NAP1L1: variants seen among roughly 807,000 people sequenced by gnomAD.
NAP1L1 encodes nucleosome assembly protein 1 like 1.
Under a neutral mutation model 58.9 loss-of-function variants are expected in NAP1L1, and 9 were observed. That is an observed-to-expected ratio of 0.15 (90% CI 0.09 to 0.27). NAP1L1 has a LOEUF of 0.27. NAP1L1 is among the 10% of genes least tolerant of loss of function. The probability of loss-of-function intolerance (pLI) is 1.00; values close to 1 mark genes in which losing one functional copy is unlikely to be tolerated. For synonymous variants in NAP1L1, 130 were observed against 138.3 expected (o/e 0.94, Z 0.42); for missense variants, 302 against 458.8 (o/e 0.66, Z 3.12).
At chr12:76,058,436 G>T (rs1175767802) in intron 6 of NAP1L1, among the ~76,000 whole-genome samples, 7 of 150,116 alleles carry the variant, frequency 4.7e-5, no homozygotes. Context: ...GCCTGGGCTG[G>T]AGCGCAGTGG....
chr12:76,065,244 T>TAA (rs550938713), intron 4 of NAP1L1, among the ~76,000 whole-genome samples: 1 of 145,114 alleles, frequency 6.9e-6, no homozygotes, highest in East Asian at 2.0e-4. Context: ...TTGATACAGT[T>TAA]AAAAAAAAAA....
At position 76,038,976 on chromosome 12, in the gene NAP1L1, C is replaced by A. The variant is rs1477172093; in HGVS notation, c.*9453G>T. 2.0e-5 allele frequency: 3 copies of A among 152,234 alleles called. No individual in the cohort carries two copies. The South Asian group carries it at 6.2e-4, about 32-fold the overall frequency. The allele number at this position is 152,234 out of a possible 1,614,324, so 9.4% of individuals were successfully genotyped here. ...TTATCATGCAAAATGAAATAAAAAG[C>A]CTTGGGCAAAGCAGGACTCCAATCA... On this transcript the variant is annotated 3_prime_UTR_variant, in exon 15 of 15. Coordinates refer to ENST00000618691, the MANE Select transcript of NAP1L1 (RefSeq NM_004537.7).
intron 7 of NAP1L1, among the ~76,000 whole-genome samples, chr12:76,055,681 A>T (rs1949052565): frequency 6.6e-6 from 1 of 152,148 alleles, no homozygotes; most frequent in Non-Finnish European, 1.5e-5. Flanking sequence ...TTAAAATGCA[A>T]ATTTCTCCTG....
intron 4 of NAP1L1, 91 bp from the exon 5 acceptor site, chr12:76,060,370 G>T: frequency 7.6e-7 from 1 of 1,310,054 alleles, no homozygotes; most frequent in Non-Finnish European, 1.0e-6. Flanking sequence ...TGGAGTTAGT[G>T]AATGACAGGT....
At chr12:76,058,331 G>C (rs1261243693) in intron 6 of NAP1L1, among the ~76,000 whole-genome samples, 1 of 150,282 alleles carries the variant, frequency 6.7e-6, no homozygotes, top group South Asian at 2.1e-4. Context: ...AGGAGAGACT[G>C]TCATGCTCAT....
rs970266535 is a variant in NAP1L1 at position 76,039,686 on chromosome 12, G to A, written c.*8743C>T. The A allele has an allele frequency of 3.3e-5, 5 of 152,072 alleles. No homozygotes were observed. The highest frequency in any genetic ancestry group is 2.1e-4 in the South Asian group (1 of 4,824). 9.4% of individuals were successfully genotyped at this position (152,072 alleles called of 1,614,324 possible). ...ATCTACAAGGCAGTGCAAAGTGTAG[G>A]GCCATCCAAATGCTGGCTCCAACAC... On this transcript the variant is annotated 3_prime_UTR_variant, in exon 15 of 15. Transcript: ENST00000618691.
rs775502634 is a variant in NAP1L1 at position 76,067,381 on chromosome 12, A to C, written c.196T>G (p.Tyr66Asp). The change falls in exon 4 of 15, where the codon TAC (tyrosine) becomes GAC (aspartate). Residue 66 changes from tyrosine to aspartate, a missense_variant. Transcript: ENST00000618691. ...LDGLVETPTG[Y>D]IESLPRVVKR... ...ATGGAAAAGCTGTACCTTTCAATGT[A>C]TCCTGTTGGTGTTTCTACCAGACCA... 6 of 1,608,140 alleles carry C rather than the reference A, an allele frequency of 3.7e-6. No individual in the cohort carries two copies. In the Admixed American group the frequency reaches 1.0e-4, roughly 27 times the overall value.
chr12:76,068,781 A>ACACACACACACACACAC (rs1384015314), intron 3 of NAP1L1, 128 bp downstream of exon 3: 1 of 441,312 alleles, frequency 2.3e-6, no homozygotes, highest in African/African-American at 3.2e-5. Context: ...CACACACACT[A>ACACACACACACACACAC]GAAGTATGGA....
rs1408147929 is a variant in NAP1L1 at position 76,043,116 on chromosome 12, T to G, written c.*5313A>C. Reference sequence around the variant, plus strand: ...ACTGCTGCTGCCACGTCATTTAACTTACTTTTTCAGTTGCATATATATGAC... The same window carrying G: ...ACTGCTGCTGCCACGTCATTTAACTGACTTTTTCAGTTGCATATATATGAC... On this transcript the variant is annotated 3_prime_UTR_variant, in exon 15 of 15. Transcript: ENST00000618691. 6.6e-6 allele frequency: 1 copy of G among 152,188 alleles called. No homozygotes were observed. Among genetic ancestry groups the G allele is most frequent in the Non-Finnish European group, 1.5e-5 (1 of 68,018 alleles). 9.4% of individuals were successfully genotyped at this position (152,188 alleles called of 1,614,324 possible). A position where few individuals can be genotyped will look rare whatever the true frequency, so the allele number is the denominator to read the frequency against.
intron 13 of NAP1L1, chr12:76,049,552 TA>T (rs749877057): frequency 2.0e-6 from 3 of 1,533,622 alleles, no homozygotes; most frequent in Non-Finnish European, 2.6e-6. Flanking sequence ...TTATTTGAAA[TA>T]AAAAAATGTT....
chr12:76,074,426 A>G (rs1164434480), intron 1 of NAP1L1, 187 bp from the exon 2 acceptor site: 2 of 906,848 alleles, frequency 2.2e-6, no homozygotes, highest in East Asian at 1.2e-4. Flanking sequence ...TACTAGTACC[A>G]AAAATAATTT....
At chr12:76,057,384 C>T (rs1949159920) in intron 6 of NAP1L1, 1 of 432,882 alleles carries the variant, frequency 2.3e-6, no homozygotes, top group African/African-American at 2.0e-5. Context: ...CATTATCATT[C>T]TTACAAAAAG....
intron 4 of NAP1L1, among the ~76,000 whole-genome samples, chr12:76,064,794 A>T (rs902312714): frequency 1.4e-5 from 2 of 142,676 alleles, no homozygotes; most frequent in African/African-American, 2.7e-5. Context: ...TAGTATGTTT[A>T]AAAAAAAAAA....
intron 2 of NAP1L1, among the ~76,000 whole-genome samples, chr12:76,072,108 G>A (rs1171164028): frequency 6.6e-6 from 1 of 150,556 alleles, no homozygotes; most frequent in Non-Finnish European, 1.5e-5. Context: ...TGTCTGAAGT[G>A]TCCCTACACC....
In NAP1L1 at chr12:76,060,073, C is replaced by T. The variant is rs185748224; in HGVS notation, c.348+65G>A. Reference sequence around the variant, plus strand: ...TTCTAAAGATTAACCTCTTCCAAGTCTGCTTATGTTTCTAGAATTCGTCTT... The same window carrying T: ...TTCTAAAGATTAACCTCTTCCAAGTTTGCTTATGTTTCTAGAATTCGTCTT... On this transcript the variant is annotated intron_variant, in intron 5 of 14. Coordinates refer to ENST00000618691, the MANE Select transcript of NAP1L1 (RefSeq NM_004537.7). 2.1e-3 allele frequency: 3,198 copies of T among 1,524,794 alleles called. 7 individuals are homozygous for T. Among genetic ancestry groups the T allele is most frequent in the Admixed American group, 3.2e-3 (177 of 54,676 alleles). 94.5% of individuals were successfully genotyped at this position (1,524,794 alleles called of 1,614,324 possible).
At position 76,081,232 on chromosome 12, in the gene NAP1L1, G is replaced by A. The variant is rs77575734; in HGVS notation, c.-21+3335C>T. ...TCATAAGTTATCACTGCTCACGTAC[G>A]TAACCACGGACGGGTTATCTAACCA... On this transcript the variant is annotated intron_variant, in intron 1 of 14. Transcript: ENST00000618691. 4.0e-4 allele frequency among the ~76,000 whole-genome samples: 61 copies of A among 152,258 alleles called. 1 individual carries two copies. In the Middle Eastern group the frequency reaches 0.014, roughly 34 times the overall value.
chr12:76,071,011 AAAAC>A (rs929379423), intron 2 of NAP1L1, among the ~76,000 whole-genome samples: 2 of 152,124 alleles, frequency 1.3e-5, no homozygotes, highest in Non-Finnish European at 2.9e-5. Context: ...TATTAAAAAC[AAAAC>A]AAACAAACAA....
In NAP1L1 at chr12:76,048,369, T is replaced by G; in HGVS notation, c.*60A>C. 1 of 1,571,274 alleles carries G rather than the reference T, an allele frequency of 6.4e-7. No homozygotes were observed. The highest frequency in any genetic ancestry group is 8.7e-7 in the Non-Finnish European group (1 of 1,149,684). ...ACAAAAACATAAGGCTGTAAGTAAA[T>G]AAGAGTTGTGTTTAGGCTATTACAG... On this transcript the variant is annotated 3_prime_UTR_variant, in exon 15 of 15. Coordinates refer to ENST00000618691, the MANE Select transcript of NAP1L1 (RefSeq NM_004537.7).
In NAP1L1 at chr12:76,041,134, T is replaced by C. The variant is rs1453182312; in HGVS notation, c.*7295A>G. The C allele has an allele frequency of 2.0e-5, 3 of 152,186 alleles. No individual in the cohort carries two copies. Among genetic ancestry groups the C allele is most frequent in the Non-Finnish European group, 2.9e-5 (2 of 68,038 alleles). The allele number at this position is 152,186 out of a possible 1,614,324, so 9.4% of individuals were successfully genotyped here. A position where few individuals can be genotyped will look rare whatever the true frequency, so the allele number is the denominator to read the frequency against. ...GGAATATGACAACTACAAAAGACCT[T>C]AGAGACTGAACTACTGAGAATCAAT... On this transcript the variant is annotated 3_prime_UTR_variant, in exon 15 of 15. Transcript: ENST00000618691.
Sources: gnomAD v4.1 joint callset for allele counts (sites outside exome capture counted in the v4.1 genomes callset) on GRCh38, gnomAD v4.1.1 for gene constraint, MANE v1.5 for transcripts, NCBI Gene and HGNC (gene_info 2026-07-23, HGNC 2026-07-21) for gene names.